C5: variants seen among roughly 807,000 people sequenced by gnomAD.
The protein encoded by C5 is complement C5.
Under a neutral mutation model 218.8 loss-of-function variants are expected in C5, and 140 were observed. The ratio of observed to expected loss-of-function variants is 0.64; its 90% CI spans 0.56 to 0.74. C5 has a LOEUF of 0.74. C5 is among the 30% of genes least tolerant of loss of function. The pLI, the probability that C5 is intolerant of heterozygous loss-of-function variation, is 0.00. For missense variants in C5, 1,700 were observed against 1,969.6 expected (o/e 0.86, Z 2.59); for synonymous variants, 614 against 682.3 (o/e 0.90, Z 1.56).
chr9:121,023,545 G>T, intron 9 of C5, 26 bp from the exon 10 acceptor site: 1 of 1,355,866 alleles, frequency 7.4e-7, no homozygotes, highest in Non-Finnish European at 1.1e-6. Context: ...GCATCATGTT[G>T]ACAGTTTTTA....
chr9:121,068,647 C>A, the C5 span, among the ~76,000 whole-genome samples: 1 of 152,074 alleles, frequency 6.6e-6, no homozygotes. Flanking sequence ...TTTTATGGAA[C>A]CACAAAGGAA....
intron 8 of C5, 81 bp from the exon 9 acceptor site, chr9:121,025,661 C>T: frequency 7.4e-7 from 1 of 1,346,494 alleles, no homozygotes. Flanking sequence ...TTTTACTAAC[C>T]TCTAAATTGA....
Position 121,017,967 on chromosome 9 carries a change from G to A in C5, c.1507-115C>T, listed in dbSNP as rs2047322933. Reference sequence around the variant, plus strand: ...AGAAATTATGTTAAAGAAAAATAAAGTTAGGCTGGGCACAGTGGCTCACAC... The same window carrying A: ...AGAAATTATGTTAAAGAAAAATAAAATTAGGCTGGGCACAGTGGCTCACAC... On this transcript the variant is annotated intron_variant, in intron 12 of 40. Transcript: ENST00000223642. 7 of 728,614 alleles carry A rather than the reference G, an allele frequency of 9.6e-6. No individual in the cohort carries two copies. The East Asian group carries it at 1.9e-4, about 20-fold the overall frequency. 45.1% of individuals were successfully genotyped at this position (728,614 alleles called of 1,614,324 possible). A position where few individuals can be genotyped will look rare whatever the true frequency, so the allele number is the denominator to read the frequency against.
At position 120,960,164 on chromosome 9, in the gene C5, A is replaced by G. The variant is rs1461286467; in HGVS notation, c.4678+84T>C. ...GGAATGTTGTATTCATATAATCACT[A>G]TATAAAGTTTTTGATCTTTCTAACT... On this transcript the variant is annotated intron_variant, in intron 38 of 40. Coordinates refer to ENST00000223642, the MANE Select transcript of C5 (RefSeq NM_001735.3). 5 of 842,812 alleles carry G rather than the reference A, an allele frequency of 5.9e-6. No individual in the cohort carries two copies. The Admixed American group carries it at 9.6e-5, about 16-fold the overall frequency. 52.2% of individuals were successfully genotyped at this position (842,812 alleles called of 1,614,324 possible).
intron 33 of C5, among the ~76,000 whole-genome samples, chr9:120,963,953 C>G (rs2046847324): frequency 1.3e-5 from 2 of 152,074 alleles, no homozygotes; most frequent in African/African-American, 2.4e-5. Flanking sequence ...CTCAACAGAC[C>G]ACTCTACTGG....
At chr9:121,070,384 GATATATAT>G in the C5 span, among the ~76,000 whole-genome samples, 176 of 72,886 alleles carry the variant, frequency 2.4e-3, 2 homozygotes, top group Middle Eastern at 0.02. Context: ...AAGGAAGGGT[GATATATAT>G]ATATATATAT....
chr9:121,061,545 C>CA, the C5 span, among the ~76,000 whole-genome samples: 4 of 151,590 alleles, frequency 2.6e-5, no homozygotes, highest in Admixed American at 6.6e-5. Flanking sequence ...AAGACTGTCT[C>CA]AAAAAAAAGC....
the C5 span, among the ~76,000 whole-genome samples, chr9:121,070,364 A>AGAAG: frequency 2.8e-5 from 4 of 140,626 alleles, no homozygotes; most frequent in East Asian, 2.1e-4. Flanking sequence ...AAAGAAAGAA[A>AGAAG]GAAGGAAGGA....
chr9:121,064,526 T>C, the C5 span, among the ~76,000 whole-genome samples: 1 of 152,234 alleles, frequency 6.6e-6, no homozygotes, highest in East Asian at 1.9e-4. Context: ...GAATCTGATA[T>C]TTTGAATGTC....
the C5 span, among the ~76,000 whole-genome samples, chr9:121,057,023 A>T: frequency 6.6e-6 from 1 of 152,324 alleles, no homozygotes; most frequent in East Asian, 1.9e-4. Flanking sequence ...GAGCTCTAAT[A>T]CATCTGGCAA....
chr9:120,986,261 G>C (rs1027530218), intron 25 of C5, among the ~76,000 whole-genome samples: 1 of 151,356 alleles, frequency 6.6e-6, no homozygotes, highest in African/African-American at 2.4e-5. Context: ...AAATGTTCTG[G>C]AAAGATGCAT....
At chr9:121,025,430 A>ACACACACACG in intron 9 of C5, 24 bp downstream of exon 9, 4 of 1,594,790 alleles carry the variant, frequency 2.5e-6, no homozygotes, top group Non-Finnish European at 3.4e-6. Flanking sequence ...ACACACACAC[A>ACACACACACG]CACACACACA....
At position 120,957,008 on chromosome 9, in the gene C5, C is replaced by T. The variant is rs112664005; in HGVS notation, c.4762+277G>A. The T allele has an allele frequency of 1.4e-3, 523 of 368,132 alleles. 2 individuals are homozygous for T. The highest frequency in any genetic ancestry group is 2.5e-3 in the Non-Finnish European group (468 of 190,814). 22.8% of individuals were successfully genotyped at this position (368,132 alleles called of 1,614,324 possible). A position where few individuals can be genotyped will look rare whatever the true frequency, so the allele number is the denominator to read the frequency against. On this transcript the variant is annotated intron_variant, in intron 39 of 40. Transcript: ENST00000223642. Reference sequence around the variant, plus strand: ...CATGTAGCAAATTTGCACACGTATCCCCTGAACCTAAAATAAAAGTTGTAA... The same window carrying T: ...CATGTAGCAAATTTGCACACGTATCTCCTGAACCTAAAATAAAAGTTGTAA...
At chr9:121,002,238 G>GTATATA (rs1369875646) in intron 20 of C5, among the ~76,000 whole-genome samples, 3 of 58,556 alleles carry the variant, frequency 5.1e-5, no homozygotes, top group South Asian at 1.2e-3. Flanking sequence ...ATGTATATAT[G>GTATATA]TATATGTATA....
At chr9:120,997,452 T>A in intron 21 of C5, 95 bp downstream of exon 21, 1 of 963,336 alleles carries the variant, frequency 1.0e-6, no homozygotes. Context: ...GCTTAATGTT[T>A]CGTTAAATTT....
At position 121,021,400 on chromosome 9, in the gene C5, T is replaced by A. The variant is rs1223265046; in HGVS notation, c.1302+109A>T. The A allele has an allele frequency of 4.5e-5, 37 of 825,916 alleles. No individual in the cohort carries two copies. In the East Asian group the frequency reaches 9.4e-4, roughly 21 times the overall value. 51.2% of individuals were successfully genotyped at this position (825,916 alleles called of 1,614,324 possible). A position where few individuals can be genotyped will look rare whatever the true frequency, so the allele number is the denominator to read the frequency against. On this transcript the variant is annotated intron_variant, in intron 11 of 40. Transcript: ENST00000223642. ...CTTGGATGCAAAATTATGGAACTGT[T>A]CACTGGACTCATGTGTAAAATCTGC...
At position 120,997,571 on chromosome 9, in the gene C5, G is replaced by A. The variant is rs147660694; in HGVS notation, c.2766C>T (p.Ile922=). The A allele has an allele frequency of 9.9e-6, 16 of 1,613,410 alleles. No individual in the cohort carries two copies. The highest frequency in any genetic ancestry group is 3.3e-5 in the Admixed American group (2 of 59,996). ...CCACCACTCGTAATGTTTTTACTAA[G>A]ATTTCTTTTCCAAACCAAGTCTCCA... is the stretch of plus-strand genomic sequence containing the variant. ...FSLETWFGKE[I]LVKTLRVVPE... The change falls in exon 21 of 41, where the codon ATC becomes ATT. Residue 922 remains isoleucine, a synonymous_variant. Transcript: ENST00000223642.
chr9:120,980,323 T>G lies in C5; in HGVS notation c.3487-69A>C, dbSNP rs567025374. On this transcript the variant is annotated intron_variant, in intron 27 of 40. Transcript: ENST00000223642. ...ACCTATCAATTGATATGAACTACCCTCAGATCCCACTATCCTGGAGCAAGC... is the reference window on the plus strand; with the variant it reads ...ACCTATCAATTGATATGAACTACCCGCAGATCCCACTATCCTGGAGCAAGC... The G allele has an allele frequency of 4.4e-6, 6 of 1,357,154 alleles. No homozygotes were observed. The South Asian group carries it at 7.0e-5, about 16-fold the overall frequency. 84.1% of individuals were successfully genotyped at this position (1,357,154 alleles called of 1,614,324 possible).
At chr9:120,981,790 G>GTA in intron 27 of C5, 54 bp downstream of exon 27, 1 of 1,198,334 alleles carries the variant, frequency 8.3e-7, no homozygotes, top group South Asian at 1.2e-5. Flanking sequence ...GGCCCCTCCA[G>GTA]TATATAGTAC....
Sources: allele counts gnomAD v4.1 joint callset (sites outside exome capture counted in the v4.1 genomes callset), GRCh38; gene constraint gnomAD v4.1.1; transcripts MANE v1.5; gene names NCBI Gene and HGNC (gene_info 2026-07-23, HGNC 2026-07-21).